The following C4orf36 variants were observed in gnomAD, a reference collection of about 807,000 sequenced individuals.
C4orf36 encodes uncharacterized protein C4orf36.
Under a neutral mutation model 12.2 loss-of-function variants are expected in C4orf36, and 11 were observed. The observed-to-expected ratio is 0.90, with a 90% CI of 0.57 to 1.49. C4orf36 has a LOEUF of 1.49. C4orf36 is among the 40% of genes most tolerant of loss of function. C4orf36 has a pLI of 0.00. For missense variants in C4orf36, 137 were observed against 133.9 expected (o/e 1.02, Z -0.11); for synonymous variants, 54 against 51.3 (o/e 1.05, Z -0.22).
chr4:86,914,454 G>A, the C4orf36 span: 5 of 590,776 alleles, frequency 8.5e-6, no homozygotes, highest in East Asian at 3.5e-5. Flanking sequence ...AGGCTGGAGT[G>A]CAGTGGCACG....
the C4orf36 span, among the ~76,000 whole-genome samples, chr4:86,922,727 C>T: frequency 6.6e-6 from 1 of 152,158 alleles, no homozygotes; most frequent in Admixed American, 6.6e-5. Flanking sequence ...ACCATCCCCA[C>T]CTGCAGCTGC....
chr4:86,913,543 A>C, the C4orf36 span: 2 of 991,828 alleles, frequency 2.0e-6, no homozygotes, highest in Admixed American at 3.6e-5. Flanking sequence ...CGGTCATCGA[A>C]AAGAGCGTTG....
chr4:86,931,951 C>T, the C4orf36 span, among the ~76,000 whole-genome samples: 1 of 150,360 alleles, frequency 6.7e-6, no homozygotes, highest in Non-Finnish European at 1.5e-5. Context: ...AGGAGAATGG[C>T]GTGAACCCGG....
chr4:86,891,678 A>G, intron 1 of C4orf36, 85 bp from the exon 2 acceptor site: 1 of 1,283,010 alleles, frequency 7.8e-7, no homozygotes, highest in Non-Finnish European at 1.0e-6. Context: ...TGAATGTCAG[A>G]AAGTCCTTAA....
intron 4 of C4orf36, among the ~76,000 whole-genome samples, chr4:86,881,606 T>C (rs1449222740): frequency 1.3e-5 from 2 of 152,030 alleles, no homozygotes; most frequent in African/African-American, 4.8e-5. Context: ...ATTCTTTTAA[T>C]TAAAAAAATT....
At chr4:86,916,077 CAGCAGCCCT>C in the C4orf36 span, among the ~76,000 whole-genome samples, 6 of 152,162 alleles carry the variant, frequency 3.9e-5, no homozygotes, top group African/African-American at 1.4e-4. Flanking sequence ...TCATTTGTTA[CAGCAGCCCT>C]AGGAAAGTAA....
At chr4:86,917,370 A>C in the C4orf36 span, among the ~76,000 whole-genome samples, 25 of 149,420 alleles carry the variant, frequency 1.7e-4, no homozygotes, top group Admixed American at 5.4e-4. Context: ...AAAGGATGGA[A>C]GGAAGGAAGG....
the C4orf36 span, among the ~76,000 whole-genome samples, chr4:86,912,763 T>G: frequency 6.6e-6 from 1 of 152,208 alleles, no homozygotes; most frequent in Admixed American, 6.5e-5. Flanking sequence ...CATATAAATG[T>G]GTATGAATAT....
At chr4:86,911,868 T>A in the C4orf36 span, among the ~76,000 whole-genome samples, 3 of 149,516 alleles carry the variant, frequency 2.0e-5, no homozygotes, top group Admixed American at 6.7e-5. Context: ...AAAAAAAAAA[T>A]GTTTTTTTGA....
chr4:86,907,414 A>G, the C4orf36 span, among the ~76,000 whole-genome samples: 1 of 152,230 alleles, frequency 6.6e-6, no homozygotes, highest in Non-Finnish European at 1.5e-5. Context: ...TAGGCTTAAT[A>G]GCAGGGTGAT....
chr4:86,934,545 ATTG>A, the C4orf36 span: 37 of 152,146 alleles, frequency 2.4e-4, no homozygotes, highest in Admixed American at 1.0e-3. Flanking sequence ...GTTTTATAAG[ATTG>A]TTGTGAAGAT....
chr4:86,898,922 C>T, the C4orf36 span, among the ~76,000 whole-genome samples: 10 of 151,972 alleles, frequency 6.6e-5, no homozygotes, highest in Admixed American at 2.0e-4. Context: ...AGTCTAATCA[C>T]GAAATTCAAG....
chr4:86,889,422 CA>C (rs1747307327), intron 2 of C4orf36, among the ~76,000 whole-genome samples: 1 of 150,988 alleles, frequency 6.6e-6, no homozygotes, highest in African/African-American at 2.4e-5. Context: ...AACTGTAGTA[CA>C]AACATGTAAT....
the C4orf36 span, among the ~76,000 whole-genome samples, chr4:86,898,356 G>C: frequency 0.92 from 139,933 of 152,112 alleles, 65,218 homozygotes; most frequent in Non-Finnish European, 1. Context: ...CATGCCACTG[G>C]CCCCCAGTCT....
chr4:86,884,682 T>C (rs1168621783), intron 4 of C4orf36, among the ~76,000 whole-genome samples: 1 of 152,196 alleles, frequency 6.6e-6, no homozygotes, highest in African/African-American at 2.4e-5. Flanking sequence ...GAATATTCAA[T>C]GATGTTTCAT....
At chr4:86,898,230 A>G in the C4orf36 span, among the ~76,000 whole-genome samples, 1 of 152,058 alleles carries the variant, frequency 6.6e-6, no homozygotes, top group Non-Finnish European at 1.5e-5. Context: ...CGTCTCTACT[A>G]AAAATACAAA....
At chr4:86,932,057 AAGAT>A in the C4orf36 span, among the ~76,000 whole-genome samples, 1 of 22,926 alleles carries the variant, frequency 4.4e-5, no homozygotes, top group Non-Finnish European at 1.8e-4. Flanking sequence ...AAAAAAAAAA[AAGAT>A]TTATTCCGGG....
intron 4 of C4orf36, among the ~76,000 whole-genome samples, chr4:86,882,895 C>G (rs906903745): frequency 3.3e-5 from 5 of 152,154 alleles, no homozygotes; most frequent in Admixed American, 6.5e-5. Flanking sequence ...GGCCTAAAAC[C>G]CAGCCTGCCC....
intron 4 of C4orf36, among the ~76,000 whole-genome samples, chr4:86,878,615 G>A (rs140623189): frequency 6.6e-6 from 1 of 152,332 alleles, no homozygotes; most frequent in African/African-American, 2.4e-5. Flanking sequence ...CGTGCACAAG[G>A]TGGCACAACC....
Sources: gnomAD v4.1 joint callset for allele counts (sites outside exome capture counted in the v4.1 genomes callset) on GRCh38, gnomAD v4.1.1 for gene constraint, MANE v1.5 for transcripts, NCBI Gene and HGNC (gene_info 2026-07-23, HGNC 2026-07-21) for gene names.